ADARB2: variants seen among roughly 807,000 people sequenced by gnomAD.
The protein encoded by ADARB2 is inactive double-stranded RNA-specific editase B2.
In ADARB2, 25 loss-of-function variants were observed where a neutral mutation model predicts 62.2. The observed-to-expected ratio is 0.40, with a 90% CI of 0.29 to 0.56. The LOEUF is 0.56. Ranked by LOEUF, ADARB2 falls within the 20% of genes least tolerant of loss-of-function variation. ADARB2 has a pLI of 0.43. For synonymous variants in ADARB2, 572 were observed against 500.8 expected (o/e 1.14, Z -1.90); for missense variants, 1,071 against 1,077.4 (o/e 0.99, Z 0.08).
intron 1 of ADARB2, among the ~76,000 whole-genome samples, chr10:1,535,424 C>A (rs1228513498): frequency 2.0e-5 from 3 of 152,204 alleles, no homozygotes; most frequent in Non-Finnish European, 2.9e-5. Flanking sequence ...AGCTCTGCGT[C>A]CTCAGATTAA....
chr10:1,395,934 G>A (rs905459586), intron 1 of ADARB2, among the ~76,000 whole-genome samples: 8 of 152,210 alleles, frequency 5.3e-5, no homozygotes, highest in Admixed American at 3.3e-4. Flanking sequence ...TGGAAGTGCG[G>A]CATCGTGAAC....
intron 1 of ADARB2, chr10:1,556,997 T>C: frequency 2.6e-6 from 1 of 382,280 alleles, no homozygotes; most frequent in South Asian, 2.0e-5. Flanking sequence ...AATCTTGTCC[T>C]GCATCTCACT....
At chr10:1,480,302 A>G (rs941959431) in intron 1 of ADARB2, among the ~76,000 whole-genome samples, 9 of 152,272 alleles carry the variant, frequency 5.9e-5, no homozygotes, top group Non-Finnish European at 8.8e-5. Context: ...AAGCATTGTT[A>G]GAACTAATAA....
intron 1 of ADARB2, among the ~76,000 whole-genome samples, chr10:1,590,896 G>A (rs1421143775): frequency 6.6e-6 from 1 of 152,140 alleles, no homozygotes; most frequent in Non-Finnish European, 1.5e-5. Context: ...GAGTCTCCAG[G>A]GTGCTCAGGT....
At chr10:1,271,833 CG>C (rs1564242735) in intron 3 of ADARB2, among the ~76,000 whole-genome samples, 1 of 152,208 alleles carries the variant, frequency 6.6e-6, no homozygotes, top group African/African-American at 2.4e-5. Context: ...AGCTTTTCTT[CG>C]GGGGCAGTTT....
chr10:1,226,362 C>CTGTA (rs1461596441), intron 6 of ADARB2, among the ~76,000 whole-genome samples: 2 of 152,160 alleles, frequency 1.3e-5, no homozygotes, highest in Non-Finnish European at 2.9e-5. Flanking sequence ...GAATTTCCTC[C>CTGTA]TGTAGCTCAG....
rs538493732 is a variant in ADARB2 at position 1,411,874 on chromosome 10, T to C, written c.101-32714A>G. ...TGTTTCTCTGCATTTTCAACCAAAA[T>C]TTGAAAGACATTGCTTTCAGCTAGC... On this transcript the variant is annotated intron_variant, in intron 1 of 9. Transcript: ENST00000381312. Among the ~76,000 whole-genome samples, 10 of 152,360 alleles carry C rather than the reference T, an allele frequency of 6.6e-5. No homozygotes were observed. The South Asian group carries it at 2.1e-3, about 32-fold the overall frequency.
At chr10:1,232,538 G>A (rs966745462) in intron 6 of ADARB2, among the ~76,000 whole-genome samples, 1 of 151,318 alleles carries the variant, frequency 6.6e-6, no homozygotes, top group Admixed American at 6.6e-5. Context: ...TGTGGTATAT[G>A]TGGTATGTGT....
At chr10:1,260,436 T>C (rs556285464) in intron 4 of ADARB2, among the ~76,000 whole-genome samples, 8 of 151,088 alleles carry the variant, frequency 5.3e-5, no homozygotes, top group South Asian at 2.1e-4. Context: ...CTTAAGCTGA[T>C]AAGCAACTTC....
At chr10:1,487,937 G>A (rs1300804677) in intron 1 of ADARB2, among the ~76,000 whole-genome samples, 1 of 152,036 alleles carries the variant, frequency 6.6e-6, no homozygotes. Context: ...AGATGAAAGG[G>A]AATTTGTTGA....
chr10:1,209,195 A>G (rs1837108938), intron 7 of ADARB2, among the ~76,000 whole-genome samples: 1 of 152,114 alleles, frequency 6.6e-6, no homozygotes, highest in Admixed American at 6.5e-5. Flanking sequence ...AGGGAATCAC[A>G]ACCCCATCAG....
chr10:1,233,165 G>T (rs888854787), intron 6 of ADARB2, among the ~76,000 whole-genome samples: 6 of 152,130 alleles, frequency 3.9e-5, no homozygotes, highest in African/African-American at 1.2e-4. Flanking sequence ...GAGGACAGAG[G>T]GGCAGGGGCT....
chr10:1,653,936 G>A (rs950037642), intron 1 of ADARB2, among the ~76,000 whole-genome samples: 13 of 152,142 alleles, frequency 8.5e-5, no homozygotes, highest in South Asian at 2.1e-4. Context: ...GGGAGGCTCC[G>A]TGTGGCTGGG....
In ADARB2 at chr10:1,180,957, C is replaced by A. The variant is rs1297477041; in HGVS notation, c.*2236G>T. ...TGCCTGAGACAAAACGAATCCCAAC[C>A]CCCCAGCTGTGGCTTCATGATGCTG... is the stretch of plus-strand genomic sequence containing the variant. On this transcript the variant is annotated 3_prime_UTR_variant, in exon 10 of 10. Coordinates refer to ENST00000381312, the MANE Select transcript of ADARB2 (RefSeq NM_018702.4). The A allele has an allele frequency of 1.3e-5, 2 of 152,352 alleles. No individual in the cohort carries two copies. The highest frequency in any genetic ancestry group is 1.9e-4 in the East Asian group (1 of 5,188). 9.4% of individuals were successfully genotyped at this position (152,352 alleles called of 1,614,324 possible). A position where few individuals can be genotyped will look rare whatever the true frequency, so the allele number is the denominator to read the frequency against.
At position 1,363,576 on chromosome 10, in the gene ADARB2, C is replaced by A; in HGVS notation, c.529G>T (p.Ala177Ser). ...GCCAGCTCCGCCGCGCGCATCTTGGCCTTCTTCTTGGTGGGGCCTGTGCCC... is the reference window on the plus strand; with the variant it reads ...GCCAGCTCCGCCGCGCGCATCTTGGACTTCTTCTTGGTGGGGCCTGTGCCC... ...FEGTGPTKKK[A>S]KMRAAELALR... is the part of the protein sequence containing the mutation. The change falls in exon 3 of 10, where the codon GCC becomes TCC. Residue 177 changes from alanine (A) to serine (S), a missense_variant. Ala to Ser is a moderately conservative substitution (Grantham distance 99, BLOSUM62 1). Transcript: ENST00000381312. 1.3e-6 allele frequency: 2 copies of A among 1,585,410 alleles called. No individual in the cohort carries two copies. The highest frequency in any genetic ancestry group is 1.1e-5 in the South Asian group (1 of 88,668).
chr10:1,736,317 A>C (rs2119054110), intron 1 of ADARB2, among the ~76,000 whole-genome samples: 1 of 152,292 alleles, frequency 6.6e-6, no homozygotes, highest in Non-Finnish European at 1.5e-5. Flanking sequence ...CCCTTGCTGT[A>C]GCATTGACTA....
At chr10:1,570,529 A>C (rs898943747) in intron 1 of ADARB2, among the ~76,000 whole-genome samples, 3 of 152,182 alleles carry the variant, frequency 2.0e-5, no homozygotes, top group African/African-American at 4.8e-5. Flanking sequence ...GGATTTGCTG[A>C]TTTCTTGGTG....
intron 1 of ADARB2, among the ~76,000 whole-genome samples, chr10:1,565,350 A>T (rs913128769): frequency 2.0e-5 from 3 of 152,188 alleles, no homozygotes; most frequent in African/African-American, 7.2e-5. Flanking sequence ...ATGCGTCTTC[A>T]TGAACCACTA....
At chr10:1,251,186 T>G (rs1016141278) in intron 4 of ADARB2, among the ~76,000 whole-genome samples, 2 of 152,206 alleles carry the variant, frequency 1.3e-5, no homozygotes, top group African/African-American at 4.8e-5. Context: ...AAGCAAGATA[T>G]CTTTCAGCAG....
Sources: allele counts gnomAD v4.1 joint callset (sites outside exome capture counted in the v4.1 genomes callset), GRCh38; gene constraint gnomAD v4.1.1; transcripts MANE v1.5; gene names NCBI Gene and HGNC (gene_info 2026-07-23, HGNC 2026-07-21).